Variants in MGAT4C observed in about 807,000 individuals in gnomAD.
MGAT4C encodes MGAT4 family member C.
Under a neutral mutation model 40.1 loss-of-function variants are expected in MGAT4C, and 19 were observed. That is an observed-to-expected ratio of 0.47 (90% CI 0.33 to 0.70). MGAT4C has a LOEUF of 0.70. MGAT4C is among the 30% of genes least tolerant of loss of function. MGAT4C has a pLI of 0.02. For missense variants in MGAT4C, 491 were observed against 563.2 expected, an observed-to-expected ratio of 0.87 and a Z score of 1.30; for synonymous variants, 181 against 187.1, an observed-to-expected ratio of 0.97 and a Z score of 0.27.
intron 2 of MGAT4C, among the ~76,000 whole-genome samples, chr12:86,483,435 A>G (rs1378617240): frequency 6.6e-6 from 1 of 152,124 alleles, no homozygotes; most frequent in Non-Finnish European, 1.5e-5. Flanking sequence ...TTTTATAAAC[A>G]TATAATTAGA....
In MGAT4C at chr12:85,956,392, C is replaced by A. The variant is rs574887558; in HGVS notation, c.*22897G>T. ...ATGGGAATCTGATTCTCAATAACTT[C>A]GGTGTTTTGTTTGTCCTTAGACAAT... On this transcript the variant is annotated 3_prime_UTR_variant, in exon 5 of 5. Transcript: ENST00000611864. The A allele has an allele frequency of 1.3e-5, 2 of 152,090 alleles. No homozygotes were observed. Among genetic ancestry groups the A allele is most frequent in the African/African-American group, 4.8e-5 (2 of 41,436 alleles). The allele number at this position is 152,090 out of a possible 1,614,324, so 9.4% of individuals were successfully genotyped here. A position where few individuals can be genotyped will look rare whatever the true frequency, so the allele number is the denominator to read the frequency against.
chr12:86,416,665 T>C (rs547682489), intron 3 of MGAT4C, among the ~76,000 whole-genome samples: 3 of 152,190 alleles, frequency 2.0e-5, no homozygotes, highest in African/African-American at 7.2e-5. Context: ...ATAGATCTCA[T>C]GGGTTTTGGA....
intron 2 of MGAT4C, among the ~76,000 whole-genome samples, chr12:86,440,184 A>G (rs1380609296): frequency 6.6e-6 from 1 of 152,112 alleles, no homozygotes; most frequent in African/African-American, 2.4e-5. Context: ...CAACAAAAAT[A>G]CTACAGACCA....
chr12:86,703,719 T>A (rs1291813966), intron 2 of MGAT4C, among the ~76,000 whole-genome samples: 3 of 152,186 alleles, frequency 2.0e-5, no homozygotes, highest in Non-Finnish European at 4.4e-5. Flanking sequence ...ACTTTATTGT[T>A]GTTGTCTGGA....
chr12:86,244,503 G>T (rs1394446702), intron 1 of MGAT4C, among the ~76,000 whole-genome samples: 5 of 152,186 alleles, frequency 3.3e-5, no homozygotes, highest in Admixed American at 1.3e-4. Flanking sequence ...TCCCTAAAGG[G>T]ATCTAAGTCT....
intron 2 of MGAT4C, among the ~76,000 whole-genome samples, chr12:86,466,722 T>C (rs1957687621): frequency 6.6e-6 from 1 of 152,210 alleles, no homozygotes; most frequent in Admixed American, 6.5e-5. Flanking sequence ...CGTAGGCTTG[T>C]CAGTTTTAAC....
chr12:86,507,967 G>C (rs1592932206), intron 2 of MGAT4C, among the ~76,000 whole-genome samples: 1 of 152,088 alleles, frequency 6.6e-6, no homozygotes, highest in African/African-American at 2.4e-5. Context: ...TTGTGATAGA[G>C]ATTACAATGG....
At chr12:86,003,351 A>G (rs776024432) in intron 2 of MGAT4C, among the ~76,000 whole-genome samples, 4 of 152,156 alleles carry the variant, frequency 2.6e-5, no homozygotes, top group Non-Finnish European at 5.9e-5. Flanking sequence ...TGAATCAGGT[A>G]ATATGTCTTC....
At chr12:86,061,483 T>C in intron 1 of MGAT4C, among the ~76,000 whole-genome samples, 1 of 151,990 alleles carries the variant, frequency 6.6e-6, no homozygotes, top group East Asian at 1.9e-4. Flanking sequence ...TGTTTTTTTT[T>C]TTCCATGCCC....
At chr12:86,475,275 C>T (rs560499631) in intron 2 of MGAT4C, among the ~76,000 whole-genome samples, 13 of 151,848 alleles carry the variant, frequency 8.6e-5, no homozygotes, top group Non-Finnish European at 1.8e-4. Context: ...TAGTAGAATA[C>T]TCAGGATATA....
intron 1 of MGAT4C, among the ~76,000 whole-genome samples, chr12:86,817,337 T>C (rs1328938699): frequency 6.6e-6 from 1 of 151,540 alleles, no homozygotes; most frequent in Non-Finnish European, 1.5e-5. Flanking sequence ...TTGTTTCTTT[T>C]TGTATTGTTT....
intron 2 of MGAT4C, among the ~76,000 whole-genome samples, chr12:86,511,468 T>C (rs1480947867): frequency 6.6e-6 from 1 of 152,156 alleles, no homozygotes; most frequent in Non-Finnish European, 1.5e-5. Context: ...TCTTCCAGAT[T>C]GTCCAGTGTT....
At chr12:86,653,481 G>A (rs1963753726) in intron 2 of MGAT4C, among the ~76,000 whole-genome samples, 2 of 151,866 alleles carry the variant, frequency 1.3e-5, no homozygotes, top group African/African-American at 4.8e-5. Context: ...TGCTATAGTA[G>A]GGCTTTATCC....
chr12:86,238,083 T>G (rs79540228), intron 1 of MGAT4C, among the ~76,000 whole-genome samples: 3,214 of 151,982 alleles, frequency 0.021, 96 homozygotes, highest in African/African-American at 0.073. Flanking sequence ...TCCCTTTACT[T>G]TTTGATAACC....
At chr12:86,099,303 A>C (rs977513284) in intron 1 of MGAT4C, among the ~76,000 whole-genome samples, 3 of 151,268 alleles carry the variant, frequency 2.0e-5, no homozygotes, top group Admixed American at 6.6e-5. Context: ...TCTTCTGAGA[A>C]TTGTTCCTCA....
chr12:86,738,050 T>C (rs968760432), intron 1 of MGAT4C, among the ~76,000 whole-genome samples: 1 of 151,600 alleles, frequency 6.6e-6, no homozygotes, highest in Non-Finnish European at 1.5e-5. Context: ...TCAAAGTGAA[T>C]GCTAGGGCAT....
At chr12:86,632,445 A>C (rs2136507885) in intron 2 of MGAT4C, among the ~76,000 whole-genome samples, 1 of 152,100 alleles carries the variant, frequency 6.6e-6, no homozygotes. Context: ...TACTATAAAG[A>C]GTCATGCACA....
At chr12:86,257,733 C>T (rs1271849703), upstream of MGAT4C, among the ~76,000 whole-genome samples, 1 of 152,116 alleles carries the variant, frequency 6.6e-6, no homozygotes, top group African/African-American at 2.4e-5. Context: ...CATTTCCTCC[C>T]AAGTTCTGAC....
chr12:86,598,741 A>G (rs1961641868), intron 2 of MGAT4C, among the ~76,000 whole-genome samples: 1 of 152,140 alleles, frequency 6.6e-6, no homozygotes, highest in Admixed American at 6.5e-5. Context: ...ATCTACTTGT[A>G]TTATTCACGA....
Sources: gnomAD v4.1 joint callset for allele counts (sites outside exome capture counted in the v4.1 genomes callset) on GRCh38, gnomAD v4.1.1 for gene constraint, MANE v1.5 for transcripts, NCBI Gene and HGNC (gene_info 2026-07-23, HGNC 2026-07-21) for gene names.